The following SGCZ variants were observed in gnomAD, a reference collection of about 807,000 sequenced individuals.
SGCZ encodes the protein sarcoglycan zeta.
A neutral mutation model predicts 41.3 loss-of-function variants in SGCZ; 40 were observed. The ratio of observed to expected loss-of-function variants is 0.97; its 90% CI spans 0.75 to 1.26. The LOEUF is 1.26. Ranked by LOEUF, SGCZ falls within the 50% of genes most tolerant of loss-of-function variation. The pLI, the probability that SGCZ is intolerant of heterozygous loss-of-function variation, is 0.00. For missense variants in SGCZ, 552 were observed against 369.8 expected (o/e 1.49, Z -4.04); for synonymous variants, 206 against 137.5 (o/e 1.50, Z -3.49).
chr8:15,144,238 G>T (rs1798972638), intron 1 of SGCZ, among the ~76,000 whole-genome samples: 2 of 152,114 alleles, frequency 1.3e-5, no homozygotes, highest in Admixed American at 1.3e-4. Flanking sequence ...CAAAGGTTCA[G>T]ACTTAAAATA....
At chr8:14,326,522 G>A (rs1053610442) in intron 2 of SGCZ, among the ~76,000 whole-genome samples, 2 of 152,124 alleles carry the variant, frequency 1.3e-5, no homozygotes, top group African/African-American at 4.8e-5. Context: ...ACGAGGTCTG[G>A]ATTGCCCCAT....
chr8:14,764,790 G>T (rs1445660909), intron 1 of SGCZ, among the ~76,000 whole-genome samples: 2 of 152,016 alleles, frequency 1.3e-5, no homozygotes, highest in African/African-American at 2.4e-5. Flanking sequence ...TAATATTGAG[G>T]CAATGCTACA....
intron 5 of SGCZ, among the ~76,000 whole-genome samples, chr8:14,125,733 G>T (rs532537052): frequency 6.5e-4 from 99 of 151,962 alleles, no homozygotes; most frequent in African/African-American, 2.3e-3. Flanking sequence ...AAACTACCAG[G>T]CTACAGTAAC....
intron 5 of SGCZ, among the ~76,000 whole-genome samples, chr8:14,142,621 A>G (rs1044429887): frequency 6.6e-6 from 1 of 152,120 alleles, no homozygotes; most frequent in Non-Finnish European, 1.5e-5. Flanking sequence ...GAGCCCTGGC[A>G]TTTCAAGACA....
At chr8:14,708,351 TATTTTACA>T (rs1809398190) in intron 1 of SGCZ, among the ~76,000 whole-genome samples, 1 of 152,016 alleles carries the variant, frequency 6.6e-6, no homozygotes, top group Non-Finnish European at 1.5e-5. Context: ...TTTGTAAAAA[TATTTTACA>T]TAAAGAGATT....
chr8:14,541,297 C>T (rs892288297), intron 2 of SGCZ, among the ~76,000 whole-genome samples: 27 of 151,996 alleles, frequency 1.8e-4, no homozygotes, highest in African/African-American at 6.0e-4. Context: ...GCTCTCCCTC[C>T]CCTTTACCCC....
intron 2 of SGCZ, among the ~76,000 whole-genome samples, chr8:14,402,913 A>G (rs1799116967): frequency 6.7e-6 from 1 of 149,714 alleles, no homozygotes; most frequent in Admixed American, 6.6e-5. Flanking sequence ...GATTCTTCCT[A>G]CCCATGAGCA....
In SGCZ at chr8:14,307,133, G is replaced by C. The variant is rs149228440; in HGVS notation, c.336+16970C>G. Among the ~76,000 whole-genome samples, 1,077 of 152,264 alleles carry C rather than the reference G, an allele frequency of 7.1e-3. 17 individuals are homozygous for C. The highest frequency in any genetic ancestry group is 0.025 in the African/African-American group (1,029 of 41,542). ...ACTTTAACTTAAGTGATCATAACAA[G>C]AGCATCTGTGGGAATAAAGTAATGA... On this transcript the variant is annotated intron_variant, in intron 3 of 7. Coordinates refer to ENST00000382080, the MANE Select transcript of SGCZ (RefSeq NM_139167.4).
At chr8:14,100,780 A>G (rs1024369560) in intron 7 of SGCZ, among the ~76,000 whole-genome samples, 4 of 151,864 alleles carry the variant, frequency 2.6e-5, no homozygotes, top group African/African-American at 9.7e-5. Flanking sequence ...AAAAAGGAAT[A>G]TTCCCCTTTT....
At chr8:14,607,951 A>G (rs1805805654) in intron 1 of SGCZ, among the ~76,000 whole-genome samples, 1 of 152,224 alleles carries the variant, frequency 6.6e-6, no homozygotes, top group Non-Finnish European at 1.5e-5. Context: ...TTACTGCTGT[A>G]AAAGACAAAA....
intron 1 of SGCZ, among the ~76,000 whole-genome samples, chr8:14,681,959 C>T (rs180976686): frequency 2.5e-3 from 377 of 151,832 alleles, no homozygotes; most frequent in Non-Finnish European, 4.6e-3. Context: ...AATAAATAAT[C>T]CATAATAATA....
intron 1 of SGCZ, among the ~76,000 whole-genome samples, chr8:15,054,405 G>C (rs566794362): frequency 4.7e-4 from 71 of 152,188 alleles, no homozygotes; most frequent in African/African-American, 1.6e-3. Context: ...TGCCAGTGCA[G>C]ATCCTGGTGT....
chr8:14,603,200 C>T (rs535670865), intron 1 of SGCZ, among the ~76,000 whole-genome samples: 16 of 152,242 alleles, frequency 1.1e-4, no homozygotes, highest in African/African-American at 2.2e-4. Flanking sequence ...TGGAAATAAA[C>T]GGCTTTTTTG....
chr8:14,860,452 G>T (rs557775276), intron 1 of SGCZ, among the ~76,000 whole-genome samples: 64 of 148,826 alleles, frequency 4.3e-4, no homozygotes, highest in African/African-American at 1.5e-3. Context: ...AGAGAAGAGA[G>T]AAGGAAAGAG....
intron 3 of SGCZ, among the ~76,000 whole-genome samples, chr8:14,287,800 G>T (rs970187523): frequency 2.6e-5 from 4 of 152,044 alleles, no homozygotes; most frequent in Non-Finnish European, 5.9e-5. Flanking sequence ...AATAGAAACA[G>T]GATTCTTGGT....
intron 1 of SGCZ, among the ~76,000 whole-genome samples, chr8:15,209,057 C>T (rs947806913): frequency 1.3e-5 from 2 of 151,936 alleles, no homozygotes; most frequent in Non-Finnish European, 2.9e-5. Context: ...TAAGAAACTA[C>T]TTCAAGTTCT....
At chr8:14,759,677 G>A (rs1340800428) in intron 1 of SGCZ, among the ~76,000 whole-genome samples, 2 of 152,088 alleles carry the variant, frequency 1.3e-5, no homozygotes, top group African/African-American at 4.8e-5. Context: ...TCAGCTCACA[G>A]GTACCCATGG....
chr8:14,551,943 A>G (rs1251266343), intron 2 of SGCZ, among the ~76,000 whole-genome samples: 2 of 151,762 alleles, frequency 1.3e-5, no homozygotes, highest in Non-Finnish European at 2.9e-5. Context: ...TAAAAATACA[A>G]TATTTTGATA....
At chr8:14,257,760 G>C (rs1215085889) in intron 3 of SGCZ, among the ~76,000 whole-genome samples, 1 of 151,660 alleles carries the variant, frequency 6.6e-6, no homozygotes, top group Non-Finnish European at 1.5e-5. Context: ...GCGATAGTTT[G>C]CTGAGAATTT....
Sources: gnomAD v4.1 joint callset for allele counts (sites outside exome capture counted in the v4.1 genomes callset) on GRCh38, gnomAD v4.1.1 for gene constraint, MANE v1.5 for transcripts, NCBI Gene and HGNC (gene_info 2026-07-23, HGNC 2026-07-21) for gene names.